The following NFRKB variants were observed in gnomAD, a reference collection of about 807,000 sequenced individuals.
NFRKB encodes nuclear factor related to kappaB binding protein.
A neutral mutation model predicts 135.7 loss-of-function variants in NFRKB; 62 were observed. The ratio of observed to expected loss-of-function variants is 0.46; its 90% CI spans 0.37 to 0.56. NFRKB has a LOEUF of 0.56. Among genes scored for constraint, NFRKB ranks in the 20% least tolerant of loss-of-function variants. The probability of loss-of-function intolerance (pLI) is 0.00; values close to 1 mark genes in which losing one functional copy is unlikely to be tolerated. For synonymous variants in NFRKB, 678 were observed against 635.6 expected, an observed-to-expected ratio of 1.07 and a Z score of -1.00; for missense variants, 1,545 against 1,662.0, an observed-to-expected ratio of 0.93 and a Z score of 1.22.
chr11:129,883,933 C>T, intron 8 of NFRKB, 137 bp downstream of exon 8: 1 of 915,812 alleles, frequency 1.1e-6, no homozygotes, highest in East Asian at 2.4e-5. Flanking sequence ...GCTAGCTAGC[C>T]TCGCCAGCTG....
intron 3 of NFRKB, among the ~76,000 whole-genome samples, chr11:129,889,074 A>T (rs1949414778): frequency 6.6e-6 from 1 of 150,900 alleles, no homozygotes; most frequent in Non-Finnish European, 1.5e-5. Context: ...CGATTCTCCT[A>T]CCTCAGCCTC....
intron 13 of NFRKB, among the ~76,000 whole-genome samples, chr11:129,879,373 T>C (rs1565408400): frequency 6.6e-6 from 1 of 152,192 alleles, no homozygotes; most frequent in Non-Finnish European, 1.5e-5. Flanking sequence ...CCCAGGTATA[T>C]GTGCTCCCTC....
At chr11:129,894,616 T>C (rs1039791709) in intron 1 of NFRKB, among the ~76,000 whole-genome samples, 178 bp from the exon 2 acceptor site, 4 of 152,326 alleles carry the variant, frequency 2.6e-5, no homozygotes, top group Admixed American at 2.0e-4. Context: ...TGTAAAGATA[T>C]AGCAGAAACT....
Position 129,874,535 on chromosome 11 carries a change from G to A in NFRKB, c.2024C>T (p.Ala675Val), listed in dbSNP as rs1948673114. The change falls in exon 20 of 27, where the codon GCT (alanine) becomes GTT (valine). Residue 675 changes from alanine (A) to valine (V), a missense_variant. Coordinates refer to ENST00000682444, the MANE Select transcript of NFRKB (RefSeq NM_001143835.2). This position sits in a 1 kb window ranked among gnomAD's most constrained non-coding sequence, Gnocchi z 4.5. ...AQAAAAKARK[A>V]LQQKPKPPSK... ...TGGGGGCTTGGGTTTTTGCTGAAGAGCTTTTCTGGCTTTAGCTGCAGCTGC... is the reference window on the plus strand; with the variant it reads ...TGGGGGCTTGGGTTTTTGCTGAAGAACTTTTCTGGCTTTAGCTGCAGCTGC... The A allele has an allele frequency of 6.2e-7, 1 of 1,614,152 alleles. No individual in the cohort carries two copies. Among genetic ancestry groups the A allele is most frequent in the Non-Finnish European group, 8.5e-7 (1 of 1,180,022 alleles).
chr11:129,877,636 A>G (rs934183619), intron 15 of NFRKB, among the ~76,000 whole-genome samples: 1 of 152,226 alleles, frequency 6.6e-6, no homozygotes, highest in Non-Finnish European at 1.5e-5. Flanking sequence ...TGACATCTTT[A>G]ACTACTGCTT....
chr11:129,871,383 C>G (rs1948497014), intron 23 of NFRKB, among the ~76,000 whole-genome samples: 1 of 152,178 alleles, frequency 6.6e-6, no homozygotes, highest in Non-Finnish European at 1.5e-5. Flanking sequence ...CACCAATCCA[C>G]TGGCCCAGTG....
In NFRKB at chr11:129,875,421, C is replaced by T. The variant is rs1407295950; in HGVS notation, c.1790G>A (p.Arg597Gln). ...CTTAAGCAGTTCACAGATCTCTGCC[C>T]GTGTGCCTTCTCCATTAGGCAGTCG... ...AARLPNGEGT[R>Q]AEICELLKDS... The change falls in exon 18 of 27, where the codon CGG (arginine) becomes CAG (glutamine). Residue 597 changes from arginine to glutamine, a missense_variant. By Grantham distance (43) the Arg-to-Gln change is conservative (BLOSUM62 1). Transcript: ENST00000682444. 1.2e-6 allele frequency: 2 copies of T among 1,612,124 alleles called. No homozygotes were observed. Among genetic ancestry groups the T allele is most frequent in the African/African-American group, 1.3e-5 (1 of 74,864 alleles).
chr11:129,893,925 ACTTTATT>A, intron 2 of NFRKB: 1 of 152,364 alleles, frequency 6.6e-6, no homozygotes, highest in South Asian at 2.1e-4. Flanking sequence ...TACTGATATG[ACTTTATT>A]AGTCCATATA....
Position 129,883,134 on chromosome 11 carries a change from C to G in NFRKB, c.889G>C (p.Gly297Arg). The part of the protein sequence containing the change: ...IMTRVNAGRK[G>R]SLAALYDLAV... ...CCCAGTCATTTACCTGCCAGAGAGC[C>G]CTTCCTGCCAGCATTTACTCGAGTC... Residue 297 changes from glycine (G) to arginine (R), a missense_variant, in exon 9 of 27, where the codon GGC becomes CGC. Physicochemically the swap from Gly to Arg is moderately radical, Grantham distance 125. Transcript: ENST00000682444. The G allele has an allele frequency of 6.2e-7, 1 of 1,614,062 alleles. No homozygotes were observed. The highest frequency in any genetic ancestry group is 8.5e-7 in the Non-Finnish European group (1 of 1,180,002).
Position 129,884,866 on chromosome 11 carries a change from T to C in NFRKB, c.641-20A>G, listed in dbSNP as rs771913518. 13 of 1,614,004 alleles carry C rather than the reference T, an allele frequency of 8.1e-6. No homozygotes were observed. Among genetic ancestry groups the C allele is most frequent in the South Asian group, 1.1e-5 (1 of 91,080 alleles). On this transcript the variant is annotated intron_variant, in intron 6 of 26. Coordinates refer to ENST00000682444, the MANE Select transcript of NFRKB (RefSeq NM_001143835.2). Reference sequence around the variant, plus strand: ...TGAGATCTTCAAAAGAAAATTGTTCTTGTAAATCCAACGTGGCTGTGGACT... The same window carrying C: ...TGAGATCTTCAAAAGAAAATTGTTCCTGTAAATCCAACGTGGCTGTGGACT...
Position 129,867,322 on chromosome 11 carries a change from C to CTT in NFRKB, c.3532-1341_3532-1340dup, listed in dbSNP as rs894926200. 2.8e-3 allele frequency among the ~76,000 whole-genome samples: 363 copies of CTT among 129,436 alleles called. 1 individual carries two copies. Among genetic ancestry groups the CTT allele is most frequent in the Middle Eastern group, 4.2e-3 (1 of 236 alleles). The allele number at this position is 129,436 out of a possible 152,430, so 84.9% of individuals were successfully genotyped here. On this transcript the variant is annotated intron_variant, in intron 24 of 26. Transcript: ENST00000682444. ...CTATGATGCAGAAACCTAAGTAACT[C>CTT]TTTTTTTTTTTTTTTTTTTTTGAGA...
In NFRKB at chr11:129,869,811, T is replaced by G. The variant is rs1250292536; in HGVS notation, c.3214A>C (p.Lys1072Gln). 1.2e-6 allele frequency: 2 copies of G among 1,614,228 alleles called. No individual in the cohort carries two copies. The highest frequency in any genetic ancestry group is 1.7e-6 in the Non-Finnish European group (2 of 1,180,044). The change falls in exon 24 of 27, where the codon AAG (lysine) becomes CAG (glutamine). Residue 1072 changes from lysine (K) to glutamine (Q), a missense_variant. Around this residue, in one of 3 missense-constraint regions of NFRKB, gnomAD observed 753 missense variants for 804.3 expected, o/e 0.94. Coordinates refer to ENST00000682444, the MANE Select transcript of NFRKB (RefSeq NM_001143835.2). ...PALGVSVADQ[K>Q]GKSTVASSEA... Reference sequence around the variant, plus strand: ...GAAGAGGCCACTGTGCTTTTTCCCTTCTGGTCAGCCACACTCACGCCAAGA... The same window carrying G: ...GAAGAGGCCACTGTGCTTTTTCCCTGCTGGTCAGCCACACTCACGCCAAGA...
chr11:129,884,179 A>G, intron 7 of NFRKB, 36 bp from the exon 8 acceptor site: 1 of 1,590,004 alleles, frequency 6.3e-7, no homozygotes, highest in Non-Finnish European at 8.6e-7. Flanking sequence ...CACTATCATG[A>G]TTCTCCAATT....
Position 129,878,470 on chromosome 11 carries a change from G to A in NFRKB, c.1458C>T (p.Phe486=), listed in dbSNP as rs989261185. Residue 486 remains phenylalanine (F), a synonymous_variant, in exon 14 of 27, where the codon TTC becomes TTT. Transcript: ENST00000682444. ...ATTTCTTAAAAAAACATACCTTACA[G>A]AAGGCCTGATCTTTGGTCTCTAGCC... is the stretch of plus-strand genomic sequence containing the variant. ...QLWLETKDQA[F]CKQENEDSSD... The A allele has an allele frequency of 6.2e-7, 1 of 1,614,056 alleles. No individual in the cohort carries two copies. The highest frequency in any genetic ancestry group is 8.5e-7 in the Non-Finnish European group (1 of 1,179,912).
chr11:129,870,865 TATA>T (rs1283682621), intron 23 of NFRKB, among the ~76,000 whole-genome samples: 5 of 152,190 alleles, frequency 3.3e-5, no homozygotes, highest in African/African-American at 9.6e-5. Flanking sequence ...GCAAACATGC[TATA>T]ATACTTCCCA....
rs76967949 is a variant in NFRKB, at chr11:129,882,531, G to A, written c.1002C>T (p.Ala334=). 2.2e-3 allele frequency: 3,541 copies of A among 1,613,550 alleles called. 58 individuals carry two copies. The African/African-American group carries it at 0.038, about 17-fold the overall frequency. ...CCCCTTCAGTACTGCTTAGCGGCTC[G>A]GCCAGGTCCTCTGCCTCTGATTTGA... ...KTIKSEAEDL[A]EPLSSTEGVA... is the part of the protein sequence containing the mutation. The change falls in exon 10 of 27, where the codon GCC becomes GCT. Residue 334 remains alanine, a synonymous_variant. Transcript: ENST00000682444.
At chr11:129,875,568 T>C (rs1948722674) in intron 17 of NFRKB, 105 bp from the exon 18 acceptor site, 1 of 753,238 alleles carries the variant, frequency 1.3e-6, no homozygotes, top group Non-Finnish European at 2.1e-6. Context: ...GGGTTCCTGC[T>C]CCTCTACCTT....
At chr11:129,878,695 CG>C (rs1948890162) in intron 13 of NFRKB, 152 bp from the exon 14 acceptor site, 1 of 687,608 alleles carries the variant, frequency 1.5e-6, no homozygotes, top group African/African-American at 1.8e-5. Context: ...TTCCAGCTGG[CG>C]GAAGTCAGCC....
intron 3 of NFRKB, among the ~76,000 whole-genome samples, chr11:129,889,585 C>T (rs1221025133): frequency 6.6e-6 from 1 of 151,392 alleles, no homozygotes; most frequent in Non-Finnish European, 1.5e-5. Context: ...AAAATACTAA[C>T]TTGGCCTGGC....
Sources: gnomAD v4.1 joint callset for allele counts (sites outside exome capture counted in the v4.1 genomes callset) on GRCh38, gnomAD v4.1.1 for gene constraint, gnomAD v4.1.1 regional missense constraint, Gnocchi (gnomAD v3.1) non-coding constraint, MANE v1.5 for transcripts, NCBI Gene and HGNC (gene_info 2026-07-23, HGNC 2026-07-21) for gene names.